The following PIP5K1A variants were observed in gnomAD, a reference collection of about 807,000 sequenced individuals.
PIP5K1A encodes phosphatidylinositol 4-phosphate 5-kinase type-1 alpha.
A neutral mutation model predicts 72.9 loss-of-function variants in PIP5K1A; 46 were observed. That is an observed-to-expected ratio of 0.63 (90% CI 0.50 to 0.81). The LOEUF (loss-of-function observed/expected upper bound fraction) is 0.81. Ranked by LOEUF, PIP5K1A falls within the 30% of genes least tolerant of loss-of-function variation. The probability of loss-of-function intolerance (pLI) is 0.00; values close to 1 mark genes in which losing one functional copy is unlikely to be tolerated. For synonymous variants in PIP5K1A, 228 were observed against 255.1 expected, an observed-to-expected ratio of 0.89 and a Z score of 1.01; for missense variants, 458 against 706.1, an observed-to-expected ratio of 0.65 and a Z score of 3.98.
chr1:151,234,771 G>C (rs1021110833), intron 8 of PIP5K1A, among the ~76,000 whole-genome samples: 1 of 152,148 alleles, frequency 6.6e-6, no homozygotes, highest in Non-Finnish European at 1.5e-5. Flanking sequence ...TCCTTCCTCA[G>C]ATTTTGGTCC....
At chr1:151,218,572 C>G (rs587736737) in intron 1 of PIP5K1A, among the ~76,000 whole-genome samples, 1 of 152,258 alleles carries the variant, frequency 6.6e-6, no homozygotes, top group Admixed American at 6.5e-5. Flanking sequence ...CTCAGTGGCT[C>G]ACGCCTGTAA....
At chr1:151,205,540 C>T (rs1685810763) in intron 1 of PIP5K1A, among the ~76,000 whole-genome samples, 2 of 151,912 alleles carry the variant, frequency 1.3e-5, no homozygotes, top group African/African-American at 2.4e-5. Context: ...GGCATGGTGA[C>T]TCACGCCTGT....
At chr1:151,227,439 C>T (rs1478847465) in intron 4 of PIP5K1A, 39 bp downstream of exon 4, 2 of 1,343,362 alleles carry the variant, frequency 1.5e-6, no homozygotes, top group African/African-American at 1.4e-5. Context: ...ACTCCAGGAG[C>T]TCAGCAGCTT....
At chr1:151,234,126 CTT>C in intron 7 of PIP5K1A, 69 bp from the exon 8 acceptor site, 2 of 1,230,552 alleles carry the variant, frequency 1.6e-6, no homozygotes, top group East Asian at 2.3e-5. Flanking sequence ...TGGGTGGTAA[CTT>C]TTACTGGTGA....
Position 151,241,540 on chromosome 1 carries a change from C to T in PIP5K1A, c.1364-583C>T, listed in dbSNP as rs587709755. Among the ~76,000 whole-genome samples the T allele has an allele frequency of 2.7e-3, 409 of 151,978 alleles. 1 individual carries two copies. Among genetic ancestry groups the T allele is most frequent in the Middle Eastern group, 0.014 (4 of 294 alleles). ...AAAGGGGGCAGGGCAGTGGCTCATACGTATAATCCCAGCACTTTGGGAGGC... is the reference window on the plus strand; with the variant it reads ...AAAGGGGGCAGGGCAGTGGCTCATATGTATAATCCCAGCACTTTGGGAGGC... On this transcript the variant is annotated intron_variant, in intron 12 of 15. Coordinates refer to ENST00000368888, the MANE Select transcript of PIP5K1A (RefSeq NM_001135638.2).
upstream of PIP5K1A, among the ~76,000 whole-genome samples, chr1:151,197,530 C>T (rs587763789): frequency 2.0e-5 from 3 of 152,098 alleles, no homozygotes; most frequent in Admixed American, 6.6e-5. Context: ...CCACCCGCCT[C>T]GGCCTCCCAG....
chr1:151,216,044 A>G, intron 1 of PIP5K1A: 1 of 1,051,152 alleles, frequency 9.5e-7, no homozygotes, highest in South Asian at 1.3e-5. Context: ...TGAGCTCCTT[A>G]CAGTAACTAG....
At chr1:151,233,800 T>TG (rs1379342173) in intron 7 of PIP5K1A, 1 of 166,012 alleles carries the variant, frequency 6.0e-6, no homozygotes, top group African/African-American at 2.4e-5. Flanking sequence ...TTATTTCCCT[T>TG]GGTAATACTC....
At chr1:151,216,002 T>C (rs587739101) in intron 1 of PIP5K1A, 47 of 1,292,818 alleles carry the variant, frequency 3.6e-5, no homozygotes, top group Non-Finnish European at 4.7e-5. Context: ...GTAAGAGAGG[T>C]AGATCTGATG....
chr1:151,227,950 A>G (rs1364736437), intron 4 of PIP5K1A, among the ~76,000 whole-genome samples: 1 of 152,178 alleles, frequency 6.6e-6, no homozygotes, highest in Non-Finnish European at 1.5e-5. Flanking sequence ...AGCTGAAGAA[A>G]CTGGGTTTCC....
intron 1 of PIP5K1A, among the ~76,000 whole-genome samples, chr1:151,214,630 C>G (rs900812504): frequency 4.0e-5 from 6 of 151,758 alleles, no homozygotes; most frequent in African/African-American, 1.5e-4. Flanking sequence ...ATCCGCTTGC[C>G]TCAGCCTCCC....
At chr1:151,198,149 T>C, upstream of PIP5K1A, 1 of 466,328 alleles carries the variant, frequency 2.1e-6, no homozygotes, top group Non-Finnish European at 4.4e-6. Context: ...AATCAAATAG[T>C]AAACAAGAGT....
intron 1 of PIP5K1A, among the ~76,000 whole-genome samples, chr1:151,208,827 G>T (rs1686362097): frequency 6.9e-6 from 1 of 144,296 alleles, no homozygotes; most frequent in Non-Finnish European, 1.5e-5. Flanking sequence ...CCGCCTCCTG[G>T]GTTCACGCCA....
chr1:151,232,705 TA>T lies in PIP5K1A; in HGVS notation c.639+4del, dbSNP rs751820927. On this transcript the variant is annotated splice_donor_region_variant and intron_variant, in intron 7 of 15. Coordinates refer to ENST00000368888, the MANE Select transcript of PIP5K1A (RefSeq NM_001135638.2). ...AAGCTGCTTCCAGGATACTACATGG[TA>T]AGGGAGAGAGAAGCACTGTCCACCT... is the stretch of plus-strand genomic sequence containing the variant. 5.0e-5 allele frequency: 80 copies of T among 1,612,856 alleles called. No homozygotes were observed. The highest frequency in any genetic ancestry group is 6.7e-5 in the Non-Finnish European group (79 of 1,179,490).
upstream of PIP5K1A, among the ~76,000 whole-genome samples, chr1:151,195,875 C>CAGCTTT (rs1446723107): frequency 3.1e-4 from 45 of 145,336 alleles, no homozygotes; most frequent in Non-Finnish European, 6.6e-4. Flanking sequence ...TTTACATCAA[C>CAGCTTT]ACCAGCCGAT....
At chr1:151,221,419 C>T (rs923873953) in intron 1 of PIP5K1A, among the ~76,000 whole-genome samples, 1 of 152,174 alleles carries the variant, frequency 6.6e-6, no homozygotes, top group Non-Finnish European at 1.5e-5. Context: ...TATAGCCAAG[C>T]AATTAACCTA....
chr1:151,215,931 TA>T, intron 1 of PIP5K1A: 1 of 1,271,580 alleles, frequency 7.9e-7, no homozygotes, highest in East Asian at 5.6e-5. Flanking sequence ...ACCCCAGGAG[TA>T]AGGGGTAACT....
chr1:151,220,551 T>C (rs1688274280), intron 1 of PIP5K1A, among the ~76,000 whole-genome samples: 1 of 151,954 alleles, frequency 6.6e-6, no homozygotes, highest in Non-Finnish European at 1.5e-5. Context: ...TACTGCAACC[T>C]CTGCTCCCCG....
At position 151,199,115 on chromosome 1, in the gene PIP5K1A, G is replaced by A. The variant is rs1344140132; in HGVS notation, c.85+34G>A. On this transcript the variant is annotated intron_variant, in intron 1 of 15. Transcript: ENST00000368888. ...GGCAGGGCGTGGGTAGGGAGCTGGT[G>A]AGGAATATGCGATGGGAGGAAGAGC... is the stretch of plus-strand genomic sequence containing the variant. The A allele has an allele frequency of 3.7e-6, 6 of 1,613,568 alleles. No homozygotes were observed. In the East Asian group the frequency reaches 1.1e-4, roughly 30 times the overall value.
Sources: gnomAD v4.1 joint callset for allele counts (sites outside exome capture counted in the v4.1 genomes callset) on GRCh38, gnomAD v4.1.1 for gene constraint, MANE v1.5 for transcripts, NCBI Gene and HGNC (gene_info 2026-07-23, HGNC 2026-07-21) for gene names.